NEK8: variants seen among roughly 807,000 people sequenced by gnomAD.
NEK8 encodes NIMA related kinase 8, also known as serine/threonine-protein kinase Nek8.
In NEK8, 51 loss-of-function variants were observed where a neutral mutation model predicts 77.2. The observed-to-expected ratio is 0.66, with a 90% CI of 0.53 to 0.83. The LOEUF (loss-of-function observed/expected upper bound fraction) is 0.83, where lower values mean the gene tolerates loss of function less well. Ranked by LOEUF, NEK8 falls within the 40% of genes least tolerant of loss-of-function variation. The pLI is 0.00. For synonymous variants in NEK8, 365 were observed against 363.2 expected (o/e 1.00, Z -0.06); for missense variants, 787 against 909.2 (o/e 0.87, Z 1.73).
chr17:28,739,041 C>T, intron 9 of NEK8, 43 bp from the exon 10 acceptor site: 2 of 1,462,998 alleles, frequency 1.4e-6, no homozygotes, highest in Non-Finnish European at 1.9e-6. Context: ...CAGATGGCTC[C>T]AGACCCTTTG....
intron 2 of NEK8, 71 bp from the exon 3 acceptor site, chr17:28,734,701 A>C: frequency 3.6e-6 from 4 of 1,121,532 alleles, no homozygotes; most frequent in Non-Finnish European, 4.0e-6. Flanking sequence ...AAAAAAAACA[A>C]CAACAACAAT....
In NEK8 at chr17:28,737,246, G is replaced by A. The variant is rs2034373637; in HGVS notation, c.619-60G>A. ...GCTGTTATTATCCCAGGAGACCAGG[G>A]GCTGGAGCTGGGGGGTGCTGCCCTC... On this transcript the variant is annotated intron_variant, in intron 4 of 14. Transcript: ENST00000268766. The surrounding 1 kb of genome is among the most constrained non-coding windows in gnomAD (Gnocchi z 4.8). The A allele has an allele frequency of 6.5e-7, 1 of 1,528,380 alleles. No homozygotes were observed. The highest frequency in any genetic ancestry group is 8.9e-7 in the Non-Finnish European group (1 of 1,127,694). 94.7% of individuals were successfully genotyped at this position (1,528,380 alleles called of 1,614,324 possible).
chr17:28,737,572 C>T lies in NEK8; in HGVS notation c.827+58C>T. ...GCAGGGTGTGGGCACCCAGTGGGAG[C>T]ACAGGAGGTCTGAGGCAGAGGGAAA... On this transcript the variant is annotated intron_variant, in intron 5 of 14. Coordinates refer to ENST00000268766, the MANE Select transcript of NEK8 (RefSeq NM_178170.3). This position sits in a 1 kb window ranked among gnomAD's most constrained non-coding sequence, Gnocchi z 4.8. The T allele has an allele frequency of 1.2e-6, 2 of 1,613,078 alleles. No homozygotes were observed. Among genetic ancestry groups the T allele is most frequent in the Non-Finnish European group, 1.7e-6 (2 of 1,179,550 alleles).
Position 28,737,798 on chromosome 17 carries a change from C to T in NEK8, c.890-21C>T, listed in dbSNP as rs1203989284. On this transcript the variant is annotated intron_variant, in intron 6 of 14. Coordinates refer to ENST00000268766, the MANE Select transcript of NEK8 (RefSeq NM_178170.3). This position sits in a 1 kb window ranked among gnomAD's most constrained non-coding sequence, Gnocchi z 4.8. The stretch of plus-strand genomic sequence containing the variant: ...ACACCATTCCCATCAGTTTAATAGT[C>T]CCCATGCACTGTACCTGCAGGTATC... The T allele has an allele frequency of 2.5e-6, 4 of 1,614,016 alleles. No individual in the cohort carries two copies. In the African/African-American group the frequency reaches 4.0e-5, roughly 16 times the overall value.
At position 28,742,316 on chromosome 17, in the gene NEK8, G is replaced by A. The variant is rs1384409463; in HGVS notation, c.*329G>A. ...TGCCATAAAAAGGCTGAAGGCAGCC[G>A]GGCGCAGTGGCTCACGCCTGTAATC... On this transcript the variant is annotated 3_prime_UTR_variant, in exon 15 of 15. Transcript: ENST00000268766. 10 of 455,064 alleles carry A rather than the reference G, an allele frequency of 2.2e-5. No individual in the cohort carries two copies. Among genetic ancestry groups the A allele is most frequent in the East Asian group, 1.8e-4 (4 of 22,380 alleles). The allele number at this position is 455,064 out of a possible 1,614,324, so 28.2% of individuals were successfully genotyped here.
At chr17:28,734,674 G>A (rs1403246161) in intron 2 of NEK8, 98 bp from the exon 3 acceptor site, 9 of 821,536 alleles carry the variant, frequency 1.1e-5, no homozygotes, top group Admixed American at 6.1e-5. Flanking sequence ...GCAACAGAGC[G>A]AGACTCCATC....
At chr17:28,731,673 G>C (rs994185159) in intron 1 of NEK8, among the ~76,000 whole-genome samples, 1 of 150,142 alleles carries the variant, frequency 6.7e-6, no homozygotes, top group South Asian at 2.1e-4. Flanking sequence ...GCACCATCTC[G>C]GCTCATTGCA....
chr17:28,736,046 G>A (rs936878237), intron 4 of NEK8, among the ~76,000 whole-genome samples: 1 of 150,768 alleles, frequency 6.6e-6, no homozygotes, highest in South Asian at 2.1e-4. Context: ...TTGTCCTTGC[G>A]ATAGTTTGCT....
intron 9 of NEK8, 121 bp from the exon 10 acceptor site, chr17:28,738,963 T>C (rs1567761256): frequency 1.7e-5 from 15 of 898,350 alleles, no homozygotes; most frequent in Non-Finnish European, 2.8e-5. Flanking sequence ...TATGGCTGGA[T>C]TTAAAGACAC....
Position 28,737,721 on chromosome 17 carries a change from A to C in NEK8, c.874A>C (p.Ser292Arg). Reference protein sequence around the residue: ...APSNTGSRTTSVRCRGIPRGP... With the variant: ...APSNTGSRTTRVRCRGIPRGP... The stretch of plus-strand genomic sequence containing the variant: ...CAGCAACACAGGGAGCAGGACCACC[A>C]GTGTCCGCTGCAGAGGTAAGTGGGA... Residue 292 changes from serine to arginine, a missense_variant, in exon 6 of 15, where the codon AGT becomes CGT. Physicochemically the swap from Ser to Arg is moderately radical, Grantham distance 110 (BLOSUM62 -1). Transcript: ENST00000268766. This position sits in a 1 kb window ranked among gnomAD's most constrained non-coding sequence, Gnocchi z 4.8. 1 of 1,614,150 alleles carries C rather than the reference A, an allele frequency of 6.2e-7. No individual in the cohort carries two copies. Among genetic ancestry groups the C allele is most frequent in the Non-Finnish European group, 8.5e-7 (1 of 1,180,008 alleles).
Position 28,740,913 on chromosome 17 carries a change from G to A in NEK8, c.1660G>A (p.Gly554Ser), listed in dbSNP as rs2034414261. Reference protein sequence around the residue: ...VEEALSFTLLGSAPLDQEPLL... With the variant: ...VEEALSFTLLSSAPLDQEPLL... Reference sequence around the variant, plus strand: ...GGAGGCCCTGAGCTTCACACTACTAGGCTCTGCACCCCTGGACCAGGAGCC... The same window carrying A: ...GGAGGCCCTGAGCTTCACACTACTAAGCTCTGCACCCCTGGACCAGGAGCC... The change falls in exon 12 of 15, where the codon GGC becomes AGC. Residue 554 changes from glycine (G) to serine (S), a missense_variant. Gly to Ser is a moderately conservative substitution (Grantham distance 56). Around this residue, in one of 2 missense-constraint regions of NEK8, gnomAD observed 516 missense variants for 544.0 expected, o/e 0.95. Coordinates refer to ENST00000268766, the MANE Select transcript of NEK8 (RefSeq NM_178170.3). This position sits in a 1 kb window ranked among gnomAD's most constrained non-coding sequence, Gnocchi z 4.7. The A allele has an allele frequency of 1.2e-6, 2 of 1,614,142 alleles. No homozygotes were observed. The highest frequency in any genetic ancestry group is 1.7e-5 in the Admixed American group (1 of 60,028).
chr17:28,737,860 C>G lies in NEK8; in HGVS notation c.931C>G (p.Leu311Val). 6.2e-7 allele frequency: 1 copy of G among 1,613,984 alleles called. No individual in the cohort carries two copies. The highest frequency in any genetic ancestry group is 8.5e-7 in the Non-Finnish European group (1 of 1,180,024). The stretch of plus-strand genomic sequence containing the variant: ...TGTGAGGCCAGCCATCCCACCACCA[C>G]TGTCGTCAGTGTATGCCTGGGGTGG... The part of the protein sequence containing the change: ...GPVRPAIPPP[L>V]SSVYAWGGGL... Residue 311 changes from leucine to valine, a missense_variant, in exon 7 of 15, where the codon CTG (leucine) becomes GTG (valine). Leu to Val is a conservative substitution (Grantham distance 32). Transcript: ENST00000268766. The surrounding 1 kb of genome is among the most constrained non-coding windows in gnomAD (Gnocchi z 4.8).
At chr17:28,739,021 G>C in intron 9 of NEK8, 63 bp from the exon 10 acceptor site, 2 of 1,182,956 alleles carry the variant, frequency 1.7e-6, no homozygotes, top group African/African-American at 1.5e-5. Flanking sequence ...CCTACAGGGG[G>C]TGTTGAAGCC....
At position 28,737,182 on chromosome 17, in the gene NEK8, T is replaced by C. The variant is rs1188445323; in HGVS notation, c.619-124T>C. 39 of 941,766 alleles carry C rather than the reference T, an allele frequency of 4.1e-5. No homozygotes were observed. Among genetic ancestry groups the C allele is most frequent in the Non-Finnish European group, 6.3e-5 (38 of 604,726 alleles). The allele number at this position is 941,766 out of a possible 1,614,324, so 58.3% of individuals were successfully genotyped here. On this transcript the variant is annotated intron_variant, in intron 4 of 14. Transcript: ENST00000268766. This position sits in a 1 kb window ranked among gnomAD's most constrained non-coding sequence, Gnocchi z 4.8. ...TGTTTTGGTTACTGTAGCCTTGTAG[T>C]ATAGTTTGAAGTCAGGTAGCATGAT...
chr17:28,728,798 A>G lies in NEK8; in HGVS notation c.-16A>G. On this transcript the variant is annotated 5_prime_UTR_variant, in exon 1 of 15. Coordinates refer to ENST00000268766, the MANE Select transcript of NEK8 (RefSeq NM_178170.3). ...CGCGCCGCGTGGGGGACGGAAGTGAAACTCTAAGAAATGAGATGGAGAAGT... is the reference window on the plus strand; with the variant it reads ...CGCGCCGCGTGGGGGACGGAAGTGAGACTCTAAGAAATGAGATGGAGAAGT... 1 of 1,550,870 alleles carries G rather than the reference A, an allele frequency of 6.4e-7. No individual in the cohort carries two copies. Among genetic ancestry groups the G allele is most frequent in the Non-Finnish European group, 8.7e-7 (1 of 1,146,370 alleles).
chr17:28,741,994 C>T lies in NEK8; in HGVS notation c.*7C>T, dbSNP rs906093464. On this transcript the variant is annotated 3_prime_UTR_variant, in exon 15 of 15. Transcript: ENST00000268766. The surrounding 1 kb of genome is among the most constrained non-coding windows in gnomAD (Gnocchi z 4.5). ...TGAGCCGGTCCCCCCCTGAGGCACC[C>T]GGATTCACCTCTGGACCACCCTGAT... 9 of 1,613,674 alleles carry T rather than the reference C, an allele frequency of 5.6e-6. No individual in the cohort carries two copies. In the Admixed American group the frequency reaches 6.7e-5, roughly 12 times the overall value.
intron 8 of NEK8, 78 bp downstream of exon 8, chr17:28,738,323 C>A: frequency 6.6e-7 from 1 of 1,514,230 alleles, no homozygotes; most frequent in South Asian, 1.1e-5. Flanking sequence ...GCAAAACACG[C>A]ACTTAATGAA....
At position 28,734,169 on chromosome 17, in the gene NEK8, C is replaced by T. The variant is rs199984152; in HGVS notation, c.234C>T (p.Ile78=). ...TCCTGGAAGACAAAGCCCTTATGAT[C>T]GCCATGGAATATGCACCAGGTGGGC... The part of the protein sequence containing the change: ...ENFLEDKALM[I]AMEYAPGGTL... Residue 78 remains isoleucine, a synonymous_variant, in exon 2 of 15, where the codon ATC becomes ATT. Coordinates refer to ENST00000268766, the MANE Select transcript of NEK8 (RefSeq NM_178170.3). 7.4e-6 allele frequency: 12 copies of T among 1,614,190 alleles called. No homozygotes were observed. Among genetic ancestry groups the T allele is most frequent in the African/African-American group, 5.3e-5 (4 of 75,058 alleles).
Position 28,733,992 on chromosome 17 carries a change from C to T in NEK8, c.57C>T (p.His19=), listed in dbSNP as rs748430513. The change falls in exon 2 of 15, where the codon CAC becomes CAT. Residue 19 remains histidine, a synonymous_variant. Transcript: ENST00000268766. ...TCCTCCGTATCCCTAGGATTGTGCA[C>T]CTGTGCCTGCGAAAGGCTGACCAGA... ...VVGRGAFGIV[H]LCLRKADQKL... 8 of 1,614,024 alleles carry T rather than the reference C, an allele frequency of 5.0e-6. No individual in the cohort carries two copies. In the Admixed American group the frequency reaches 6.7e-5, roughly 13 times the overall value.
Sources: allele counts gnomAD v4.1 joint callset (sites outside exome capture counted in the v4.1 genomes callset), GRCh38; gene constraint gnomAD v4.1.1; regional missense constraint gnomAD v4.1.1; non-coding constraint Gnocchi (gnomAD v3.1); transcripts MANE v1.5; gene names NCBI Gene and HGNC (gene_info 2026-07-23, HGNC 2026-07-21).